The following ZNF804A variants were observed in gnomAD, a reference collection of about 807,000 sequenced individuals.
The protein encoded by ZNF804A is zinc finger protein 804A.
ZNF804A carries 2 observed loss-of-function variants against 16.5 expected under a neutral mutation model. That is an observed-to-expected ratio of 0.12 (90% CI 0.05 to 0.38). ZNF804A has a LOEUF of 0.38. Ranked by LOEUF, ZNF804A falls within the 10% of genes least tolerant of loss-of-function variation. The pLI, the probability that ZNF804A is intolerant of heterozygous loss-of-function variation, is 0.99. For synonymous variants in ZNF804A, 534 were observed against 489.6 expected, an observed-to-expected ratio of 1.09 and a Z score of -1.20; for missense variants, 1,473 against 1,390.7, an observed-to-expected ratio of 1.06 and a Z score of -0.94.
intron 1 of ZNF804A, among the ~76,000 whole-genome samples, chr2:184,655,573 G>T (rs76629295): frequency 0.065 from 9,826 of 152,212 alleles, 455 homozygotes; most frequent in Middle Eastern, 0.11. Context: ...TTGGATGAAA[G>T]TGTCCTAGTA....
In ZNF804A at chr2:184,622,163, C is replaced by T. The variant is rs918666966; in HGVS notation, c.111+23093C>T. 7.2e-5 allele frequency among the ~76,000 whole-genome samples: 11 copies of T among 151,806 alleles called. 1 individual carries two copies. The South Asian group carries it at 1.9e-3, about 26-fold the overall frequency. The stretch of plus-strand genomic sequence containing the variant: ...TCACTATGCTAGTATATCTCTCACA[C>T]GTCAAGTTCATTGAAAGGGTACAAT... On this transcript the variant is annotated intron_variant, in intron 1 of 3. Transcript: ENST00000302277.
chr2:184,881,104 C>T (rs982163803), intron 2 of ZNF804A, among the ~76,000 whole-genome samples: 2 of 152,006 alleles, frequency 1.3e-5, no homozygotes, highest in African/African-American at 4.8e-5. Context: ...AAACTCACTT[C>T]AAGGACTTCA....
intron 2 of ZNF804A, among the ~76,000 whole-genome samples, chr2:184,889,636 A>G (rs1204274277): frequency 1.3e-5 from 2 of 151,876 alleles, no homozygotes; most frequent in South Asian, 4.1e-4. Flanking sequence ...TTAAGTACAG[A>G]TATAGATATA....
intron 1 of ZNF804A, among the ~76,000 whole-genome samples, chr2:184,786,353 C>A (rs1694449448): frequency 6.6e-6 from 1 of 151,834 alleles, no homozygotes; most frequent in Non-Finnish European, 1.5e-5. Flanking sequence ...TCCCTAATAA[C>A]TTTTTTTATA....
intron 1 of ZNF804A, among the ~76,000 whole-genome samples, chr2:184,662,096 G>A (rs1692183751): frequency 6.6e-6 from 1 of 152,064 alleles, no homozygotes; most frequent in South Asian, 2.1e-4. Flanking sequence ...TAATGACTAC[G>A]TTTGCTCTTT....
chr2:184,777,345 G>T (rs937217954), intron 1 of ZNF804A, among the ~76,000 whole-genome samples: 6 of 151,532 alleles, frequency 4.0e-5, no homozygotes, highest in Non-Finnish European at 7.4e-5. Flanking sequence ...GCAAGTCTAC[G>T]TGTTTCTAAA....
intron 1 of ZNF804A, among the ~76,000 whole-genome samples, chr2:184,838,862 C>T (rs1002087937): frequency 7.1e-4 from 108 of 152,158 alleles, no homozygotes; most frequent in African/African-American, 2.5e-3. Flanking sequence ...ATGATATTGC[C>T]TACAAATTGA....
chr2:184,709,690 G>C (rs1693091667), intron 1 of ZNF804A, among the ~76,000 whole-genome samples: 1 of 151,332 alleles, frequency 6.6e-6, no homozygotes, highest in Non-Finnish European at 1.5e-5. Flanking sequence ...CGTTTCTAAA[G>C]GTGACTTCCA....
intron 1 of ZNF804A, among the ~76,000 whole-genome samples, chr2:184,700,839 C>T (rs919749284): frequency 3.3e-5 from 5 of 151,986 alleles, no homozygotes; most frequent in African/African-American, 9.6e-5. Flanking sequence ...GGAAATGACC[C>T]TCCATTGTTA....
chr2:184,675,126 T>C (rs1279377498), intron 1 of ZNF804A, among the ~76,000 whole-genome samples: 1 of 151,880 alleles, frequency 6.6e-6, no homozygotes, highest in East Asian at 1.9e-4. Context: ...TTGTGTTTAG[T>C]TATGAATGTA....
At chr2:184,832,967 A>G (rs1434792658) in intron 1 of ZNF804A, among the ~76,000 whole-genome samples, 1 of 151,938 alleles carries the variant, frequency 6.6e-6, no homozygotes, top group African/African-American at 2.4e-5. Flanking sequence ...TAACCCCAAA[A>G]TTTTATTGGA....
chr2:184,825,669 T>C (rs1695153598), intron 1 of ZNF804A, among the ~76,000 whole-genome samples: 1 of 152,098 alleles, frequency 6.6e-6, no homozygotes, highest in Non-Finnish European at 1.5e-5. Context: ...CTCAGTGGTA[T>C]TTCAAACCTA....
At chr2:184,878,478 G>T (rs188326600) in intron 2 of ZNF804A, among the ~76,000 whole-genome samples, 1 of 152,000 alleles carries the variant, frequency 6.6e-6, no homozygotes, top group Non-Finnish European at 1.5e-5. Context: ...TATAGAAAGC[G>T]TAAGGATTTT....
In ZNF804A at chr2:184,924,743, G is replaced by A. The variant is rs534041587; in HGVS notation, c.256-8860G>A. Among the ~76,000 whole-genome samples, 61 of 151,414 alleles carry A rather than the reference G, an allele frequency of 4.0e-4. 1 individual carries two copies. The highest frequency in any genetic ancestry group is 9.9e-4 in the Admixed American group (15 of 15,218). On this transcript the variant is annotated intron_variant, in intron 2 of 3. Coordinates refer to ENST00000302277, the MANE Select transcript of ZNF804A (RefSeq NM_194250.2). ...ATAGATTTTTGTATGTTACGTTTCC[G>A]TTATCATTTGATTAAAGAAGTGTTT...
Position 184,844,809 on chromosome 2 carries a change from TC to T in ZNF804A, c.112-21558del, listed in dbSNP as rs145615325. Reference sequence around the variant, plus strand: ...TTGTTACTTCATCTATTTCTTCTACTCCACTTCTCTCTCTCTCCAGCTTTTG... The same window carrying T: ...TTGTTACTTCATCTATTTCTTCTACTCACTTCTCTCTCTCTCCAGCTTTTG... On this transcript the variant is annotated intron_variant, in intron 1 of 3. Transcript: ENST00000302277. Among the ~76,000 whole-genome samples, 1,139 of 152,038 alleles carry T rather than the reference TC, an allele frequency of 7.5e-3. 16 individuals are homozygous for T. The highest frequency in any genetic ancestry group is 0.026 in the African/African-American group (1,082 of 41,508).
At chr2:184,900,831 G>A (rs903835241) in intron 2 of ZNF804A, among the ~76,000 whole-genome samples, 1 of 152,062 alleles carries the variant, frequency 6.6e-6, no homozygotes, top group Non-Finnish European at 1.5e-5. Context: ...GCTCCCAAGG[G>A]GGGTAATACA....
At chr2:184,784,609 T>A (rs974557934) in intron 1 of ZNF804A, among the ~76,000 whole-genome samples, 1 of 151,962 alleles carries the variant, frequency 6.6e-6, no homozygotes, top group Non-Finnish European at 1.5e-5. Context: ...ATTTTAAGTT[T>A]GCAATTGGAC....
chr2:184,834,809 G>T (rs1695318897), intron 1 of ZNF804A, among the ~76,000 whole-genome samples: 1 of 152,022 alleles, frequency 6.6e-6, no homozygotes, highest in Non-Finnish European at 1.5e-5. Flanking sequence ...CAATTTCTCT[G>T]CATGTCAGTC....
At chr2:184,839,985 CAATTGCT>C (rs1695412057) in intron 1 of ZNF804A, among the ~76,000 whole-genome samples, 1 of 152,142 alleles carries the variant, frequency 6.6e-6, no homozygotes, top group Non-Finnish European at 1.5e-5. Flanking sequence ...TCTGCCTGCA[CAATTGCT>C]AATTCATCCT....
Sources: gnomAD v4.1 joint callset for allele counts (sites outside exome capture counted in the v4.1 genomes callset) on GRCh38, gnomAD v4.1.1 for gene constraint, MANE v1.5 for transcripts, NCBI Gene and HGNC (gene_info 2026-07-23, HGNC 2026-07-21) for gene names.